The following ITGA5 variants were observed in gnomAD, a reference collection of about 807,000 sequenced individuals.
ITGA5 encodes the protein integrin subunit alpha 5.
Under a neutral mutation model 146.3 loss-of-function variants are expected in ITGA5, and 55 were observed. That is an observed-to-expected ratio of 0.38 (90% confidence interval 0.30 to 0.47). The LOEUF is 0.47. ITGA5 is among the 20% of genes least tolerant of loss of function. ITGA5 has a pLI of 0.99. For missense variants in ITGA5, 1,131 were observed against 1,329.0 expected (o/e 0.85, Z 2.32); for synonymous variants, 500 against 531.8 (o/e 0.94, Z 0.82).
chr12:54,409,819 C>CAT lies in ITGA5; in HGVS notation c.350-223_350-222insAT. ...CTACACACATACACATACACACACA[C>CAT]ACATACATACACACGCACGCACACG... On this transcript the variant is annotated intron_variant, in intron 2 of 29. Coordinates refer to ENST00000293379, the MANE Select transcript of ITGA5 (RefSeq NM_002205.5). The surrounding 1 kb of genome is among the most constrained non-coding windows in gnomAD (Gnocchi z 4.7). The CAT allele has an allele frequency of 6.0e-6, 3 of 503,826 alleles. No homozygotes were observed. The highest frequency in any genetic ancestry group is 3.6e-6 in the Non-Finnish European group (1 of 281,202). 31.2% of individuals were successfully genotyped at this position (503,826 alleles called of 1,614,324 possible). A position where few individuals can be genotyped will look rare whatever the true frequency, so the allele number is the denominator to read the frequency against.
At chr12:54,417,845 C>G (rs1191698003) in intron 1 of ITGA5, among the ~76,000 whole-genome samples, 1 of 152,128 alleles carries the variant, frequency 6.6e-6, no homozygotes, top group East Asian at 1.9e-4. Flanking sequence ...CAGGAGCAAC[C>G]ACCTACCTCT....
rs1246287008 is a variant in ITGA5, at chr12:54,401,853, C to T, written c.2229G>A (p.Leu743=). 4.3e-6 allele frequency: 7 copies of T among 1,614,058 alleles called. No homozygotes were observed. The highest frequency in any genetic ancestry group is 5.9e-6 in the Non-Finnish European group (7 of 1,179,902). Residue 743 remains leucine, a splice_region_variant and synonymous_variant, in exon 22 of 30, where the codon CTG becomes CTA. Coordinates refer to ENST00000293379, the MANE Select transcript of ITGA5 (RefSeq NM_002205.5). This position sits in a 1 kb window ranked among gnomAD's most constrained non-coding sequence, Gnocchi z 5.0. The part of the protein sequence containing the change: ...LGNPMKAGAS[L]WGGLRFTVPH... Reference sequence around the variant, plus strand: ...GGACTGTAAACCGAAGGCCACCCCACAGCTGGGGACAGAAAAAGAGGAAAA... The same window carrying T: ...GGACTGTAAACCGAAGGCCACCCCATAGCTGGGGACAGAAAAAGAGGAAAA...
chr12:54,404,868 C>G lies in ITGA5; in HGVS notation c.1252G>C (p.Gly418Arg). 6.3e-7 allele frequency: 1 copy of G among 1,592,308 alleles called. No homozygotes were observed. Among genetic ancestry groups the G allele is most frequent in the Non-Finnish European group, 8.5e-7 (1 of 1,171,696 alleles). Residue 418 changes from glycine (G) to arginine (R), a missense_variant, in exon 13 of 30, where the codon GGG becomes CGG. Transcript: ENST00000293379. ...AACACTACTCCCTGCTGGGTCTCCC[C>G]ACCAAAGGGAGCCCCGATGGCCACA... ...NDVAIGAPFG[G>R]ETQQGVVFVF... is the part of the protein sequence containing the mutation.
At chr12:54,402,357 C>T (rs1955798028) in intron 19 of ITGA5, 27 bp from the exon 20 acceptor site, 2 of 1,584,240 alleles carry the variant, frequency 1.3e-6, no homozygotes, top group Non-Finnish European at 8.6e-7. Context: ...GGGTAAGGGA[C>T]ATTGGTGAAT....
intron 6 of ITGA5, 126 bp from the exon 7 acceptor site, chr12:54,408,361 G>A: frequency 9.6e-7 from 1 of 1,041,760 alleles, no homozygotes; most frequent in Non-Finnish European, 1.4e-6. Context: ...GAGGGTGGTG[G>A]CATGTAAGCT....
intron 29 of ITGA5, 74 bp from the exon 30 acceptor site, chr12:54,396,450 A>G (rs971972595): frequency 8.0e-7 from 1 of 1,245,428 alleles, no homozygotes; most frequent in Non-Finnish European, 1.2e-6. Flanking sequence ...TCCAAGAAGT[A>G]ATAAGGAGGA....
Position 54,403,851 on chromosome 12 carries a change from G to C in ITGA5, c.1621+60C>G, listed in dbSNP as rs1955823514. 1.2e-6 allele frequency: 2 copies of C among 1,609,970 alleles called. No individual in the cohort carries two copies. The highest frequency in any genetic ancestry group is 3.3e-5 in the Admixed American group (2 of 59,944). On this transcript the variant is annotated intron_variant, in intron 16 of 29. Coordinates refer to ENST00000293379, the MANE Select transcript of ITGA5 (RefSeq NM_002205.5). This position sits in a 1 kb window ranked among gnomAD's most constrained non-coding sequence, Gnocchi z 4.9. Reference sequence around the variant, plus strand: ...TTTTCAGAGAGAAGAAATGTCCCCAGGTCCCCAGTCCCTTCATTCTCTGTC... The same window carrying C: ...TTTTCAGAGAGAAGAAATGTCCCCACGTCCCCAGTCCCTTCATTCTCTGTC...
chr12:54,401,033 G>T lies in ITGA5; in HGVS notation c.2494-38C>A, dbSNP rs1050846090. On this transcript the variant is annotated intron_variant, in intron 24 of 29. Transcript: ENST00000293379. This position sits in a 1 kb window ranked among gnomAD's most constrained non-coding sequence, Gnocchi z 5.0. ...GAGCACAATCATCATGAGAAGGAAG[G>T]GAATGCTTCTGCCCCATTGAGACCC... The T allele has an allele frequency of 6.3e-7, 1 of 1,598,452 alleles. No individual in the cohort carries two copies. Among genetic ancestry groups the T allele is most frequent in the Non-Finnish European group, 8.5e-7 (1 of 1,170,232 alleles).
intron 29 of ITGA5, 128 bp downstream of exon 29, chr12:54,397,237 T>C (rs1955722410): frequency 9.3e-6 from 9 of 971,550 alleles, no homozygotes; most frequent in Non-Finnish European, 1.4e-5. Context: ...ATGGGATGCA[T>C]GTAGCCAGGA....
At chr12:54,414,402 C>G (rs1955980364) in intron 1 of ITGA5, among the ~76,000 whole-genome samples, 3 of 152,228 alleles carry the variant, frequency 2.0e-5, no homozygotes, top group African/African-American at 7.2e-5. Context: ...TAACGGAAAT[C>G]ATGCATTTAC....
At position 54,401,341 on chromosome 12, in the gene ITGA5, A is replaced by G; in HGVS notation, c.2493+32T>C. ...TCATATTAGCTCCTCCTTTCCCATC[A>G]TTCATTCTGGCCCTGCCCCTTCCCC... On this transcript the variant is annotated intron_variant, in intron 24 of 29. Coordinates refer to ENST00000293379, the MANE Select transcript of ITGA5 (RefSeq NM_002205.5). The surrounding 1 kb of genome is among the most constrained non-coding windows in gnomAD (Gnocchi z 5.0). 6.9e-7 allele frequency: 1 copy of G among 1,454,058 alleles called. No homozygotes were observed. Among genetic ancestry groups the G allele is most frequent in the Non-Finnish European group, 9.7e-7 (1 of 1,035,280 alleles). 90.1% of individuals were successfully genotyped at this position (1,454,058 alleles called of 1,614,324 possible).
chr12:54,400,165 G>A (rs1955769727), intron 25 of ITGA5: 1 of 553,330 alleles, frequency 1.8e-6, no homozygotes, highest in African/African-American at 1.9e-5. Context: ...AGATGCTTAA[G>A]TAAATAATTA....
chr12:54,415,101 T>C (rs1955991491), intron 1 of ITGA5, among the ~76,000 whole-genome samples: 2 of 152,084 alleles, frequency 1.3e-5, no homozygotes, highest in Non-Finnish European at 2.9e-5. Flanking sequence ...TGAGCCGAGA[T>C]TGCGCCATTG....
In ITGA5 at chr12:54,403,380, C is replaced by T; in HGVS notation, c.1777-56G>A. 2 of 1,485,046 alleles carry T rather than the reference C, an allele frequency of 1.3e-6. No homozygotes were observed. The highest frequency in any genetic ancestry group is 1.8e-6 in the Non-Finnish European group (2 of 1,113,334). 92.0% of individuals were successfully genotyped at this position (1,485,046 alleles called of 1,614,324 possible). A position where few individuals can be genotyped will look rare whatever the true frequency, so the allele number is the denominator to read the frequency against. ...AGGGGACTCTGGAGACTTAGTGGCC[C>T]TGCTCCTCAGCCTCTCTCATCTCCC... On this transcript the variant is annotated intron_variant, in intron 17 of 29. Coordinates refer to ENST00000293379, the MANE Select transcript of ITGA5 (RefSeq NM_002205.5). The surrounding 1 kb of genome is among the most constrained non-coding windows in gnomAD (Gnocchi z 4.9).
chr12:54,397,226 G>T, intron 29 of ITGA5, 139 bp downstream of exon 29: 3 of 841,364 alleles, frequency 3.6e-6, no homozygotes, highest in Non-Finnish European at 3.9e-6. Flanking sequence ...GAAGGGTTAG[G>T]ATGGGATGCA....
In ITGA5 at chr12:54,403,351, A is replaced by G; in HGVS notation, c.1777-27T>C. 6.6e-7 allele frequency: 1 copy of G among 1,504,948 alleles called. No individual in the cohort carries two copies. The highest frequency in any genetic ancestry group is 1.4e-5 in the South Asian group (1 of 72,818). 93.2% of individuals were successfully genotyped at this position (1,504,948 alleles called of 1,614,324 possible). A position where few individuals can be genotyped will look rare whatever the true frequency, so the allele number is the denominator to read the frequency against. ...TGGGGCCAGAGGAGAGAGTTCACGG[A>G]GTCAGGGGACTCTGGAGACTTAGTG... On this transcript the variant is annotated intron_variant, in intron 17 of 29. Transcript: ENST00000293379. The surrounding 1 kb of genome is among the most constrained non-coding windows in gnomAD (Gnocchi z 4.9).
In ITGA5 at chr12:54,409,826, A is replaced by C; in HGVS notation, c.350-229T>G. 2 of 479,588 alleles carry C rather than the reference A, an allele frequency of 4.2e-6. No homozygotes were observed. Among genetic ancestry groups the C allele is most frequent in the Non-Finnish European group, 7.5e-6 (2 of 267,184 alleles). 29.7% of individuals were successfully genotyped at this position (479,588 alleles called of 1,614,324 possible). ...CATACACATACACACACACACATAC[A>C]TACACACGCACGCACACGCACACAG... is the stretch of plus-strand genomic sequence containing the variant. On this transcript the variant is annotated intron_variant, in intron 2 of 29. Transcript: ENST00000293379. The surrounding 1 kb of genome is among the most constrained non-coding windows in gnomAD (Gnocchi z 4.7).
At position 54,409,607 on chromosome 12, in the gene ITGA5, G is replaced by T. The variant is rs1221108568; in HGVS notation, c.350-10C>A. The T allele has an allele frequency of 1.9e-6, 3 of 1,583,496 alleles. No homozygotes were observed. The highest frequency in any genetic ancestry group is 2.6e-6 in the Non-Finnish European group (3 of 1,155,640). ...TCCAGGAGCCGAGAGCCTTGTGGAAGTGAGAAGGGGGAGTCTTACTGAGCC... is the reference window on the plus strand; with the variant it reads ...TCCAGGAGCCGAGAGCCTTGTGGAATTGAGAAGGGGGAGTCTTACTGAGCC... On this transcript the variant is annotated splice_polypyrimidine_tract_variant and intron_variant, in intron 2 of 29. Transcript: ENST00000293379. The surrounding 1 kb of genome is among the most constrained non-coding windows in gnomAD (Gnocchi z 4.7).
rs765505692 is a variant in ITGA5, at chr12:54,403,165, C to T, written c.1914+22G>A. On this transcript the variant is annotated intron_variant, in intron 18 of 29. Transcript: ENST00000293379. This position sits in a 1 kb window ranked among gnomAD's most constrained non-coding sequence, Gnocchi z 4.9. Reference sequence around the variant, plus strand: ...CCCAGGCCTCTGTCTTCCCAGGTCCCTTCTCCCTGCCCTGTCCTCACCTTG... The same window carrying T: ...CCCAGGCCTCTGTCTTCCCAGGTCCTTTCTCCCTGCCCTGTCCTCACCTTG... 46 of 1,576,204 alleles carry T rather than the reference C, an allele frequency of 2.9e-5. No individual in the cohort carries two copies. Among genetic ancestry groups the T allele is most frequent in the Non-Finnish European group, 4.0e-5 (46 of 1,162,394 alleles).
Sources: gnomAD v4.1 joint callset for allele counts (sites outside exome capture counted in the v4.1 genomes callset) on GRCh38, gnomAD v4.1.1 for gene constraint, Gnocchi (gnomAD v3.1) non-coding constraint, MANE v1.5 for transcripts, NCBI Gene and HGNC (gene_info 2026-07-23, HGNC 2026-07-21) for gene names.